Variants in PIEZO1 observed in about 807,000 individuals in gnomAD.
PIEZO1 encodes piezo type mechanosensitive ion channel component 1 (Er blood group).
In PIEZO1, 296 loss-of-function variants were observed where a neutral mutation model predicts 297.2. That is an observed-to-expected ratio of 1.00 (90% CI 0.91 to 1.10). PIEZO1 has a LOEUF of 1.10. Ranked by LOEUF, PIEZO1 falls within the 50% of genes least tolerant of loss-of-function variation. PIEZO1 has a pLI of 0.00. For synonymous variants in PIEZO1, 2,427 were observed against 1,507.5 expected, an observed-to-expected ratio of 1.61 and a Z score of -14.13; for missense variants, 5,018 against 3,455.5, an observed-to-expected ratio of 1.45 and a Z score of -11.34.
At chr16:88,784,179 G>C (rs1323887715) in intron 1 of PIEZO1, among the ~76,000 whole-genome samples, 1 of 152,242 alleles carries the variant, frequency 6.6e-6, no homozygotes, top group Admixed American at 6.5e-5. Context: ...CCAGGACTGG[G>C]GACCCCTGCC....
chr16:88,764,051 T>C (rs1907054096), intron 1 of PIEZO1, among the ~76,000 whole-genome samples: 2 of 152,068 alleles, frequency 1.3e-5, no homozygotes, highest in Admixed American at 1.3e-4. Flanking sequence ...TAGCACCAGA[T>C]GCTGAGCTGG....
rs1904800946 is a variant in PIEZO1, at chr16:88,731,453, G to A, written c.3196+253C>T. The A allele has an allele frequency of 2.7e-5, 14 of 524,804 alleles. No individual in the cohort carries two copies. The South Asian group carries it at 3.4e-4, about 13-fold the overall frequency. The allele number at this position is 524,804 out of a possible 1,614,324, so 32.5% of individuals were successfully genotyped here. ...TGACTCACAACTTTCCTGAAGGTTT[G>A]AAATATTTCAAGATAGAATACTGGG... On this transcript the variant is annotated intron_variant, in intron 22 of 50. Coordinates refer to ENST00000301015, the MANE Select transcript of PIEZO1 (RefSeq NM_001142864.4).
rs1252632829 is a variant in PIEZO1 at position 88,732,652 on chromosome 16, G to C, written c.2745C>G (p.Asn915Lys). ...GGAACCCTTTCCGCACCCCAAACCAGTTGGCAGGGTCCACGGGCCCCCGGT... is the reference window on the plus strand; with the variant it reads ...GGAACCCTTTCCGCACCCCAAACCACTTGGCAGGGTCCACGGGCCCCCGGT... ...LLYRGPVDPA[N>K]WFGVRKGFPN... The change falls in exon 20 of 51, where the codon AAC becomes AAG. Residue 915 changes from asparagine to lysine, a missense_variant. By Grantham distance (94) the Asn-to-Lys change is moderately conservative (BLOSUM62 0). Transcript: ENST00000301015. The C allele has an allele frequency of 1.9e-6, 3 of 1,549,770 alleles. No homozygotes were observed. Among genetic ancestry groups the C allele is most frequent in the Non-Finnish European group, 1.7e-6 (2 of 1,146,570 alleles).
chr16:88,759,606 T>A (rs1052327067), intron 1 of PIEZO1, among the ~76,000 whole-genome samples: 11 of 152,186 alleles, frequency 7.2e-5, no homozygotes, highest in Admixed American at 6.5e-5. Flanking sequence ...TGCTCTGCCC[T>A]GCTCTGCAAG....
In PIEZO1 at chr16:88,721,970, G is replaced by T. The variant is rs779515731; in HGVS notation, c.5052C>A (p.Ala1684=). ...RLLRAVYQCV[A]AHSELLCYFI... is the part of the protein sequence containing the mutation. Reference sequence around the variant, plus strand: ...AGTAGCAGAGCAGCTCCGAGTGGGCGGCCACACACTGGTACACGGCCCGCA... The same window carrying T: ...AGTAGCAGAGCAGCTCCGAGTGGGCTGCCACACACTGGTACACGGCCCGCA... Residue 1684 remains alanine, a synonymous_variant, in exon 37 of 51, where the codon GCC becomes GCA. Transcript: ENST00000301015. The T allele has an allele frequency of 6.5e-6, 10 of 1,549,938 alleles. No homozygotes were observed. Among genetic ancestry groups the T allele is most frequent in the South Asian group, 1.2e-5 (1 of 84,064 alleles).
chr16:88,780,182 G>A (rs1052258225), intron 1 of PIEZO1, among the ~76,000 whole-genome samples: 3 of 152,320 alleles, frequency 2.0e-5, no homozygotes, highest in Middle Eastern at 3.4e-3. Context: ...TCGGCCAGCA[G>A]GTGTGGGACT....
At chr16:88,724,133 G>C (rs1904307619) in intron 30 of PIEZO1, among the ~76,000 whole-genome samples, 162 bp from the exon 31 acceptor site, 1 of 152,248 alleles carries the variant, frequency 6.6e-6, no homozygotes, top group Admixed American at 6.5e-5. Flanking sequence ...GGACAAGACA[G>C]AGGTGGGCAG....
At position 88,721,658 on chromosome 16, in the gene PIEZO1, C is replaced by A. The variant is rs567925908; in HGVS notation, c.5283G>T (p.Arg1761=). 5 of 1,550,104 alleles carry A rather than the reference C, an allele frequency of 3.2e-6. No homozygotes were observed. The highest frequency in any genetic ancestry group is 3.5e-6 in the Non-Finnish European group (4 of 1,146,854). Residue 1761 remains arginine (R), a synonymous_variant, in exon 38 of 51, where the codon CGG becomes CGT. Coordinates refer to ENST00000301015, the MANE Select transcript of PIEZO1 (RefSeq NM_001142864.4). ...GGAAGTAGGGCTTGTTCTCGTAGCG[C>A]CGCAGCACCACGTGGCTGTTCCAGG... The part of the protein sequence containing the change: ...FFPWNSHVVL[R]RYENKPYFPP...
At position 88,725,076 on chromosome 16, in the gene PIEZO1, G is replaced by C; in HGVS notation, c.4167C>G (p.Pro1389=). ...GPKDPGLEPG[P]DSPGGSSPPR... is the part of the protein sequence containing the mutation. ...GCGGGGAGGAGCCCCCTGGACTGTC[G>C]GGCCCTGTGGAGGGGCAGGGTGAGC... is the stretch of plus-strand genomic sequence containing the variant. The change falls in exon 30 of 51, where the codon CCC becomes CCG. Residue 1389 remains proline, a synonymous_variant. Coordinates refer to ENST00000301015, the MANE Select transcript of PIEZO1 (RefSeq NM_001142864.4). The C allele has an allele frequency of 1.3e-6, 2 of 1,510,382 alleles. No homozygotes were observed. The highest frequency in any genetic ancestry group is 1.8e-6 in the Non-Finnish European group (2 of 1,132,104). The allele number at this position is 1,510,382 out of a possible 1,614,324, so 93.6% of individuals were successfully genotyped here. A position where few individuals can be genotyped will look rare whatever the true frequency, so the allele number is the denominator to read the frequency against.
chr16:88,752,953 G>C (rs1330502791), intron 1 of PIEZO1, among the ~76,000 whole-genome samples: 52 of 152,004 alleles, frequency 3.4e-4, no homozygotes. Flanking sequence ...GCTTGGTCTA[G>C]GGTCCGGGGA....
At chr16:88,771,425 G>A (rs546832982) in intron 1 of PIEZO1, among the ~76,000 whole-genome samples, 8 of 152,280 alleles carry the variant, frequency 5.3e-5, no homozygotes, top group South Asian at 2.1e-4. Context: ...CCATCCCACC[G>A]CCTCCCTTGC....
At chr16:88,722,523 G>T (rs1904287329) in intron 35 of PIEZO1, 60 bp downstream of exon 35, 2 of 1,435,270 alleles carry the variant, frequency 1.4e-6, no homozygotes, top group East Asian at 2.5e-5. Flanking sequence ...GTCGGGGATG[G>T]CTAGGCGATG....
chr16:88,726,374 A>G lies in PIEZO1; in HGVS notation c.3878T>C (p.Phe1293Ser). Residue 1293 changes from phenylalanine (F) to serine (S), a missense_variant, in exon 27 of 51, where the codon TTC becomes TCC. Coordinates refer to ENST00000301015, the MANE Select transcript of PIEZO1 (RefSeq NM_001142864.4). ...AGIIWDSVCFFFLLLQRRVFL... is the reference protein window; with the variant it reads ...AGIIWDSVCFSFLLLQRRVFL... ...GACGCGGCGCTGCAGCAGCAGGAAG[A>G]AGAAGCAGACGCTGTCCCAGATGAT... is the stretch of plus-strand genomic sequence containing the variant. The G allele has an allele frequency of 6.4e-7, 1 of 1,550,454 alleles. No individual in the cohort carries two copies. The highest frequency in any genetic ancestry group is 8.7e-7 in the Non-Finnish European group (1 of 1,146,914).
At chr16:88,767,858 A>G (rs554956982) in intron 1 of PIEZO1, among the ~76,000 whole-genome samples, 120 of 151,996 alleles carry the variant, frequency 7.9e-4, no homozygotes, top group Non-Finnish European at 1.5e-3. Flanking sequence ...GCCAGCTTCC[A>G]CCACTGAAGG....
chr16:88,742,273 C>T (rs1206485882), intron 3 of PIEZO1, 27 bp downstream of exon 3: 2 of 1,524,392 alleles, frequency 1.3e-6, no homozygotes, highest in Non-Finnish European at 1.8e-6. Flanking sequence ...GGATGGCTAT[C>T]CCTACCCCGC....
chr16:88,731,237 G>A lies in PIEZO1; in HGVS notation c.3196+469C>T, dbSNP rs534183447. 3 of 175,642 alleles carry A rather than the reference G, an allele frequency of 1.7e-5. No homozygotes were observed. In the South Asian group the frequency reaches 3.6e-4, roughly 21 times the overall value. 10.9% of individuals were successfully genotyped at this position (175,642 alleles called of 1,614,324 possible). On this transcript the variant is annotated intron_variant, in intron 22 of 50. Transcript: ENST00000301015. ...GAAAACCAAATGGCCACAAAGAAGG[G>A]TGCTGAGGCCGGGGCTGTTTGAATG...
Position 88,737,997 on chromosome 16 carries a change from G to A in PIEZO1, c.957C>T (p.Leu319=), listed in dbSNP as rs757226546. ...AGGCCGTGGCGTAGCACAGCAGCAG[G>A]AGGACGCCGGGGCTGGCATACACAG... ...DWPVYASPGV[L]LLLCYATASL... The change falls in exon 8 of 51, where the codon CTC becomes CTT. Residue 319 remains leucine, a synonymous_variant. Coordinates refer to ENST00000301015, the MANE Select transcript of PIEZO1 (RefSeq NM_001142864.4). 72 of 1,535,270 alleles carry A rather than the reference G, an allele frequency of 4.7e-5. No individual in the cohort carries two copies. Among genetic ancestry groups the A allele is most frequent in the African/African-American group, 8.2e-5 (6 of 73,050 alleles).
At chr16:88,737,676 G>C (rs780429650) in intron 9 of PIEZO1, 30 bp from the exon 10 acceptor site, 2 of 1,532,546 alleles carry the variant, frequency 1.3e-6, no homozygotes, top group Non-Finnish European at 1.7e-6. Flanking sequence ...AGCCATGCAC[G>C]GGCTGGCCGG....
intron 1 of PIEZO1, among the ~76,000 whole-genome samples, chr16:88,777,479 C>T (rs899950671): frequency 1.3e-5 from 2 of 151,822 alleles, no homozygotes; most frequent in South Asian, 2.1e-4. Flanking sequence ...AGACACATTG[C>T]GGGGTCCTCA....
Sources: gnomAD v4.1 joint callset for allele counts (sites outside exome capture counted in the v4.1 genomes callset) on GRCh38, gnomAD v4.1.1 for gene constraint, MANE v1.5 for transcripts, NCBI Gene and HGNC (gene_info 2026-07-23, HGNC 2026-07-21) for gene names.